Variants in GATB observed in about 807,000 individuals in gnomAD.
The protein encoded by GATB is glutamyl-tRNA amidotransferase subunit B.
GATB carries 39 observed loss-of-function variants against 62.3 expected under a neutral mutation model. The observed-to-expected ratio is 0.63, with a 90% CI of 0.48 to 0.82. The LOEUF (loss-of-function observed/expected upper bound fraction) is 0.82. GATB is among the 40% of genes least tolerant of loss of function. GATB has a pLI of 0.00. For synonymous variants in GATB, 276 were observed against 258.9 expected, an observed-to-expected ratio of 1.07 and a Z score of -0.63; for missense variants, 670 against 684.0, an observed-to-expected ratio of 0.98 and a Z score of 0.23.
intron 12 of GATB, chr4:151,672,486 C>T (rs1288384058): frequency 6.1e-5 from 23 of 376,196 alleles, no homozygotes; most frequent in South Asian, 4.7e-4. Flanking sequence ...GCTTGGATTT[C>T]GTGAGCTTGC....
At chr4:151,678,133 T>G (rs1738048954) in intron 11 of GATB, among the ~76,000 whole-genome samples, 1 of 152,028 alleles carries the variant, frequency 6.6e-6, no homozygotes, top group African/African-American at 2.4e-5. Flanking sequence ...CCCAAGGCAA[T>G]GATACATCAC....
At chr4:151,671,755 C>T (rs1319135435) in intron 12 of GATB, among the ~76,000 whole-genome samples, 1 of 135,570 alleles carries the variant, frequency 7.4e-6, no homozygotes, top group East Asian at 2.2e-4. Flanking sequence ...ATTCCTTTAT[C>T]AGAAAGCAGA....
chr4:151,706,536 C>T (rs1460330563), intron 6 of GATB, among the ~76,000 whole-genome samples: 1 of 152,204 alleles, frequency 6.6e-6, no homozygotes, highest in African/African-American at 2.4e-5. Flanking sequence ...GGAACATGGG[C>T]TATGTCCCTT....
intron 9 of GATB, among the ~76,000 whole-genome samples, chr4:151,692,226 G>A (rs1478238316): frequency 2.0e-5 from 3 of 152,200 alleles, no homozygotes; most frequent in Non-Finnish European, 2.9e-5. Context: ...CACAGCAAGA[G>A]AGCACTAGAA....
At chr4:151,721,278 A>T (rs933226310) in intron 2 of GATB, 7 of 152,234 alleles carry the variant, frequency 4.6e-5, no homozygotes, top group African/African-American at 1.7e-4. Flanking sequence ...AAACCTAAAC[A>T]AATCTCCCGC....
chr4:151,675,288 T>G (rs1321683923), intron 11 of GATB: 1 of 152,172 alleles, frequency 6.6e-6, no homozygotes, highest in Non-Finnish European at 1.5e-5. Flanking sequence ...GGGAGCCCGG[T>G]GGCTGAAATG....
chr4:151,748,364 T>C (rs1230061973), intron 2 of GATB, among the ~76,000 whole-genome samples: 1 of 152,146 alleles, frequency 6.6e-6, no homozygotes, highest in Non-Finnish European at 1.5e-5. Context: ...ATACCACATC[T>C]ACAACTATCT....
At chr4:151,731,930 CCGGGCCAGCCGCCCCGTCCGGGAGGGAAG>C (rs1413518705) in intron 2 of GATB, among the ~76,000 whole-genome samples, 2 of 151,136 alleles carry the variant, frequency 1.3e-5, no homozygotes, top group African/African-American at 2.4e-5. Flanking sequence ...TCAGCCCCCG[CCGGGCCAGCCGCCCCGTCCGGGAGGGAAG>C]TGGGGGGTCA....
intron 4 of GATB, among the ~76,000 whole-genome samples, chr4:151,716,468 G>T (rs1044035474): frequency 6.6e-6 from 1 of 151,890 alleles, no homozygotes; most frequent in Non-Finnish European, 1.5e-5. Context: ...TGGCAAGTAG[G>T]TCTCGCTATG....
chr4:151,717,124 T>C, intron 3 of GATB, 50 bp from the exon 4 acceptor site: 2 of 1,551,348 alleles, frequency 1.3e-6, no homozygotes, highest in Non-Finnish European at 1.8e-6. Context: ...ACATAAAAGC[T>C]GGGATCCAGT....
chr4:151,698,789 A>AC (rs1379162931), intron 9 of GATB, among the ~76,000 whole-genome samples: 1 of 151,810 alleles, frequency 6.6e-6, no homozygotes, highest in Non-Finnish European at 1.5e-5. Context: ...AATACTAATC[A>AC]CCCAATACAT....
rs549086551 is a variant in GATB at position 151,724,236 on chromosome 4, C to G, written c.328-4698G>C. ...AAATCACCAAGTTCTACACATTCTA[C>G]TTTCTTAACATTTCTTGATTTTTCC... On this transcript the variant is annotated intron_variant, in intron 2 of 12. Coordinates refer to ENST00000263985, the MANE Select transcript of GATB (RefSeq NM_004564.3). The G allele has an allele frequency of 4.6e-5, 7 of 152,284 alleles. No homozygotes were observed. The East Asian group carries it at 1.4e-3, about 29-fold the overall frequency. The allele number at this position is 152,284 out of a possible 1,614,324, so 9.4% of individuals were successfully genotyped here.
chr4:151,717,341 G>A, intron 3 of GATB: 2 of 461,726 alleles, frequency 4.3e-6, no homozygotes, highest in Non-Finnish European at 7.9e-6. Context: ...TCATCCCATT[G>A]CCCTCATTAA....
intron 9 of GATB, among the ~76,000 whole-genome samples, chr4:151,694,733 T>A (rs1370411036): frequency 6.6e-6 from 1 of 152,216 alleles, no homozygotes; most frequent in Non-Finnish European, 1.5e-5. Flanking sequence ...GTAGATACTA[T>A]TAGCTTTAAA....
chr4:151,747,871 G>C (rs1005575752), intron 2 of GATB, among the ~76,000 whole-genome samples: 3 of 152,254 alleles, frequency 2.0e-5, no homozygotes, highest in African/African-American at 2.4e-5. Flanking sequence ...TGGAAAGCAA[G>C]AGCCACCAAC....
chr4:151,716,242 G>T, intron 4 of GATB, 111 bp from the exon 5 acceptor site: 1 of 1,149,968 alleles, frequency 8.7e-7, no homozygotes, highest in Admixed American at 3.1e-5. Context: ...TCTCAGAGTG[G>T]TTCTAGCCTC....
chr4:151,731,877 GGCAGCCACCCA>G (rs1739263586), intron 2 of GATB, among the ~76,000 whole-genome samples: 3 of 151,580 alleles, frequency 2.0e-5, no homozygotes, highest in African/African-American at 7.3e-5. Flanking sequence ...CCCTCCGCCC[GGCAGCCACCCA>G]GCAGCCGCCC....
At chr4:151,700,351 C>T (rs975852395) in intron 9 of GATB, among the ~76,000 whole-genome samples, 3 of 152,184 alleles carry the variant, frequency 2.0e-5, no homozygotes, top group Middle Eastern at 3.2e-3. Flanking sequence ...CAGCAGCCCA[C>T]AGGAGGCAGT....
chr4:151,725,636 A>G (rs1028307557), intron 2 of GATB, among the ~76,000 whole-genome samples: 53 of 152,342 alleles, frequency 3.5e-4, no homozygotes, highest in African/African-American at 1.3e-3. Flanking sequence ...AAATACCAGG[A>G]AAGGGTTTGC....
Sources: allele counts gnomAD v4.1 joint callset (sites outside exome capture counted in the v4.1 genomes callset), GRCh38; gene constraint gnomAD v4.1.1; transcripts MANE v1.5; gene names NCBI Gene and HGNC (gene_info 2026-07-23, HGNC 2026-07-21).